TOMM7: variants seen among roughly 807,000 people sequenced by gnomAD.
The protein encoded by TOMM7 is mitochondrial import receptor subunit TOM7 homolog.
Under a neutral mutation model 9.5 loss-of-function variants are expected in TOMM7, and 8 were observed. That is an observed-to-expected ratio of 0.84 (90% CI 0.49 to 1.51). The LOEUF (loss-of-function observed/expected upper bound fraction) is 1.51, where lower values mean the gene tolerates loss of function less well. Ranked by LOEUF, TOMM7 falls within the 40% of genes most tolerant of loss-of-function variation. TOMM7 has a pLI of 0.00. For synonymous variants in TOMM7, 27 were observed against 21.4 expected, an observed-to-expected ratio of 1.26 and a Z score of -0.72; for missense variants, 74 against 63.7, an observed-to-expected ratio of 1.16 and a Z score of -0.55.
At chr7:22,822,076 T>C in intron 1 of TOMM7, 2 of 1,498,166 alleles carry the variant, frequency 1.3e-6, no homozygotes, top group Admixed American at 2.2e-5. Context: ...GATGCCCCAC[T>C]GCCTGAGCCC....
At chr7:22,815,313 C>G (rs893493649) in intron 2 of TOMM7, among the ~76,000 whole-genome samples, 2 of 151,948 alleles carry the variant, frequency 1.3e-5, no homozygotes, top group African/African-American at 2.4e-5. Context: ...CCTAAATCAC[C>G]CAGGGCACAA....
chr7:22,818,131 T>C lies in TOMM7; in HGVS notation c.104-83A>G. Reference sequence around the variant, plus strand: ...ATTTACAATCAAGACTTTTTCTTCTTTGTAATCCAACCTAGGATAGTTAGA... The same window carrying C: ...ATTTACAATCAAGACTTTTTCTTCTCTGTAATCCAACCTAGGATAGTTAGA... On this transcript the variant is annotated intron_variant, in intron 1 of 2. Coordinates refer to ENST00000358435, the MANE Select transcript of TOMM7 (RefSeq NM_019059.5). The C allele has an allele frequency of 1.1e-5, 15 of 1,353,316 alleles. 1 individual carries two copies. The highest frequency in any genetic ancestry group is 1.6e-5 in the Non-Finnish European group (15 of 949,654). The allele number at this position is 1,353,316 out of a possible 1,614,324, so 83.8% of individuals were successfully genotyped here.
intron 1 of TOMM7, chr7:22,822,260 G>A: frequency 1.9e-6 from 3 of 1,550,394 alleles, no homozygotes; most frequent in Non-Finnish European, 2.6e-6. Flanking sequence ...CATGGCAGTG[G>A]TACTTTCACG....
chr7:22,819,054 A>G (rs994131538), intron 1 of TOMM7, among the ~76,000 whole-genome samples: 5 of 152,292 alleles, frequency 3.3e-5, no homozygotes, highest in Admixed American at 1.3e-4. Flanking sequence ...GGATCATCCA[A>G]TACTTATTAT....
At chr7:22,814,310 A>G (rs1397597563) in intron 2 of TOMM7, among the ~76,000 whole-genome samples, 1 of 147,888 alleles carries the variant, frequency 6.8e-6, no homozygotes, top group African/African-American at 2.5e-5. Flanking sequence ...AGATTGTACC[A>G]TTGCACTCCA....
intron 1 of TOMM7, among the ~76,000 whole-genome samples, chr7:22,820,933 T>G (rs528075981): frequency 2.6e-5 from 4 of 151,010 alleles, no homozygotes; most frequent in Non-Finnish European, 5.9e-5. Context: ...AGAGTGTACT[T>G]TATCTTATAC....
chr7:22,817,966 T>G (rs752786850), intron 2 of TOMM7, 34 bp downstream of exon 2: 2 of 1,602,518 alleles, frequency 1.2e-6, no homozygotes. Context: ...TGTATGAACA[T>G]TTGTCCTGAA....
rs1356303107 is a variant in TOMM7, at chr7:22,813,158, C to G, written c.*12G>C. On this transcript the variant is annotated 3_prime_UTR_variant, in exon 3 of 3. Transcript: ENST00000358435. ...GCTGATTGCCTCCAAATCCAGAAGA[C>G]CAAATAATCCTTTATCCCCAAAGTA... 1.9e-6 allele frequency: 3 copies of G among 1,613,540 alleles called. No individual in the cohort carries two copies. Among genetic ancestry groups the G allele is most frequent in the Non-Finnish European group, 2.5e-6 (3 of 1,179,774 alleles).
At chr7:22,819,682 G>A (rs1249151874) in intron 1 of TOMM7, among the ~76,000 whole-genome samples, 1 of 152,210 alleles carries the variant, frequency 6.6e-6, no homozygotes, top group African/African-American at 2.4e-5. Context: ...TAGGGAACAA[G>A]AGTCTTTTAT....
In TOMM7 at chr7:22,816,593, T is replaced by C. The variant is rs559653647; in HGVS notation, c.152+1407A>G. 5.9e-5 allele frequency among the ~76,000 whole-genome samples: 9 copies of C among 152,340 alleles called. No individual in the cohort carries two copies. The East Asian group carries it at 1.3e-3, about 23-fold the overall frequency. On this transcript the variant is annotated intron_variant, in intron 2 of 2. Coordinates refer to ENST00000358435, the MANE Select transcript of TOMM7 (RefSeq NM_019059.5). The stretch of plus-strand genomic sequence containing the variant: ...TGAAGAAGGTAGTGTGTGAAGATCA[T>C]TTGTTGAAAAACTTTATCAGGGAAA...
intron 2 of TOMM7, chr7:22,817,787 G>A (rs1392254959): frequency 2.5e-5 from 12 of 478,722 alleles, no homozygotes; most frequent in East Asian, 1.4e-4. Context: ...TTCTTTTTCT[G>A]TTAAAATATG....
intron 1 of TOMM7, among the ~76,000 whole-genome samples, chr7:22,821,400 C>T (rs1182177451): frequency 1.0e-5 from 1 of 97,616 alleles, no homozygotes; most frequent in African/African-American, 4.5e-5. Context: ...AGGCAGACCC[C>T]GTCTCAAAAA....
In TOMM7 at chr7:22,814,894, T is replaced by G. The variant is rs930781031; in HGVS notation, c.153-1709A>C. Among the ~76,000 whole-genome samples, 57 of 152,224 alleles carry G rather than the reference T, an allele frequency of 3.7e-4. 1 individual carries two copies. The highest frequency in any genetic ancestry group is 1.3e-4 in the Admixed American group (2 of 15,284). On this transcript the variant is annotated intron_variant, in intron 2 of 2. Coordinates refer to ENST00000358435, the MANE Select transcript of TOMM7 (RefSeq NM_019059.5). ...TATGTAGAAACAACAGACTTTATATTAATAAACAATAAATTTTACGTTAAT... is the reference window on the plus strand; with the variant it reads ...TATGTAGAAACAACAGACTTTATATGAATAAACAATAAATTTTACGTTAAT...
At position 22,813,191 on chromosome 7, in the gene TOMM7, A is replaced by G; in HGVS notation, c.153-6T>C. 6.2e-7 allele frequency: 1 copy of G among 1,612,472 alleles called. No homozygotes were observed. The highest frequency in any genetic ancestry group is 8.5e-7 in the Non-Finnish European group (1 of 1,179,340). On this transcript the variant is annotated splice_region_variant and splice_polypyrimidine_tract_variant and intron_variant, in intron 2 of 2. Transcript: ENST00000358435. ...TCCTTTATCCCCAAAGTAGGCTAAA[A>G]TGTTTGTGAAGAGAAGAAAGAAATT...
intron 2 of TOMM7, 79 bp from the exon 3 acceptor site, chr7:22,813,264 T>A: frequency 7.7e-7 from 1 of 1,290,850 alleles, no homozygotes; most frequent in Non-Finnish European, 1.1e-6. Flanking sequence ...ACCTAGAAAA[T>A]TTTATACATT....
Sources: allele counts gnomAD v4.1 joint callset (sites outside exome capture counted in the v4.1 genomes callset), GRCh38; gene constraint gnomAD v4.1.1; transcripts MANE v1.5; gene names NCBI Gene and HGNC (gene_info 2026-07-23, HGNC 2026-07-21).